The following DARS2 variants were observed in gnomAD, a reference collection of about 807,000 sequenced individuals.
The protein encoded by DARS2 is aspartyl-tRNA synthetase 2, mitochondrial.
In DARS2, 63 loss-of-function variants were observed where a neutral mutation model predicts 83.0. The ratio of observed to expected loss-of-function variants is 0.76; its 90% confidence interval spans 0.62 to 0.94. The LOEUF (loss-of-function observed/expected upper bound fraction) is 0.94. Ranked by LOEUF, DARS2 falls within the 40% of genes least tolerant of loss-of-function variation. The pLI is 0.00. For missense variants in DARS2, 675 were observed against 774.4 expected, an observed-to-expected ratio of 0.87 and a Z score of 1.52; for synonymous variants, 250 against 269.3, an observed-to-expected ratio of 0.93 and a Z score of 0.70.
intron 11 of DARS2, among the ~76,000 whole-genome samples, chr1:173,844,108 G>A (rs1653330929): frequency 6.6e-6 from 1 of 152,066 alleles, no homozygotes; most frequent in Non-Finnish European, 1.5e-5. Context: ...TCGAAAGGAG[G>A]GGGAATACAC....
At chr1:173,845,956 G>C (rs1653418863) in intron 12 of DARS2, among the ~76,000 whole-genome samples, 1 of 152,190 alleles carries the variant, frequency 6.6e-6, no homozygotes, top group Non-Finnish European at 1.5e-5. Context: ...AGGAGATTGA[G>C]ACCATCCTGG....
chr1:173,831,237 G>C (rs959593204), intron 4 of DARS2, among the ~76,000 whole-genome samples: 1 of 147,994 alleles, frequency 6.8e-6, no homozygotes, highest in African/African-American at 2.6e-5. Flanking sequence ...TTTTCAGGAC[G>C]GGTCTTGCAG....
At chr1:173,839,296 G>C in intron 9 of DARS2, 71 bp from the exon 10 acceptor site, 1 of 1,431,588 alleles carries the variant, frequency 7.0e-7, no homozygotes, top group East Asian at 2.3e-5. Context: ...ATAGTAACTT[G>C]AAAGCAGAAA....
intron 8 of DARS2, among the ~76,000 whole-genome samples, chr1:173,837,654 A>C (rs1653053307): frequency 1.3e-5 from 2 of 152,258 alleles, no homozygotes. Flanking sequence ...GCTAGTCTAA[A>C]TACATGAATA....
intron 8 of DARS2, 24 bp from the exon 9 acceptor site, chr1:173,838,166 A>G: frequency 1.9e-6 from 3 of 1,585,136 alleles, no homozygotes; most frequent in Middle Eastern, 1.7e-4. Flanking sequence ...TCATAACTCA[A>G]TTAATGCTAT....
At chr1:173,852,657 A>G (rs1482084568) in intron 13 of DARS2, among the ~76,000 whole-genome samples, 1 of 151,954 alleles carries the variant, frequency 6.6e-6, no homozygotes, top group Non-Finnish European at 1.5e-5. Flanking sequence ...AGTGCATGCC[A>G]CCACGCCCGG....
In DARS2 at chr1:173,856,706, A is replaced by C. The variant is rs886045590; in HGVS notation, c.1715A>C (p.Asp572Ala). Residue 572 changes from aspartate to alanine, a missense_variant, in exon 16 of 17, where the codon GAT (aspartate) becomes GCT (alanine). Physicochemically the swap from Asp to Ala is moderately radical, Grantham distance 126. Coordinates refer to ENST00000649689, the MANE Select transcript of DARS2 (RefSeq NM_018122.5). ...KMLSHLLQALDYGAPPHGGIA... is the reference protein window; with the variant it reads ...KMLSHLLQALAYGAPPHGGIA... ...CTCTCCCATCTGCTCCAGGCTTTAG[A>C]TTATGGGGCACCCCCTCATGGAGGA... 9 of 1,613,994 alleles carry C rather than the reference A, an allele frequency of 5.6e-6. No homozygotes were observed. The highest frequency in any genetic ancestry group is 7.6e-6 in the Non-Finnish European group (9 of 1,179,960).
intron 12 of DARS2, among the ~76,000 whole-genome samples, chr1:173,848,070 G>A (rs1034755989): frequency 2.0e-5 from 3 of 152,024 alleles, no homozygotes; most frequent in Admixed American, 6.6e-5. Flanking sequence ...AGCCAGGATG[G>A]TCTCCATCTC....
At chr1:173,849,861 C>CT (rs10558579) in intron 12 of DARS2, among the ~76,000 whole-genome samples, 16,576 of 109,872 alleles carry the variant, frequency 0.15, 1,863 homozygotes, top group East Asian at 0.3. Context: ...GTTGAAATGA[C>CT]TTTTTTTTTT....
At chr1:173,849,257 G>A (rs1653556441) in intron 12 of DARS2, among the ~76,000 whole-genome samples, 1 of 151,448 alleles carries the variant, frequency 6.6e-6, no homozygotes, top group South Asian at 2.1e-4. Flanking sequence ...GTTGGGGCCG[G>A]GTGCAGTGAC....
intron 3 of DARS2, 74 bp downstream of exon 3, chr1:173,828,473 G>A: frequency 7.6e-7 from 1 of 1,316,448 alleles, no homozygotes; most frequent in African/African-American, 1.5e-5. Flanking sequence ...GTAGTTAGAT[G>A]AATATGTTAG....
intron 13 of DARS2, 35 bp downstream of exon 13, chr1:173,850,514 G>A (rs201192915): frequency 8.7e-5 from 139 of 1,604,990 alleles, no homozygotes; most frequent in Non-Finnish European, 1.1e-4. Context: ...CAGTGCTGTT[G>A]ATGCTGAACA....
At chr1:173,853,960 G>A (rs1653772730) in intron 15 of DARS2, 55 bp downstream of exon 15, 10 of 1,456,138 alleles carry the variant, frequency 6.9e-6, no homozygotes, top group Admixed American at 1.7e-5. Context: ...ATATTTTTCA[G>A]TTTTGTGTTG....
In DARS2 at chr1:173,837,066, G is replaced by C. The variant is rs1462695114; in HGVS notation, c.770+20G>C. On this transcript the variant is annotated intron_variant, in intron 8 of 16. Transcript: ENST00000649689. ...AGACAGGTGAGCTTTTTTTATGCTA[G>C]CAGTTGTCAGAAAAGGAAAAGAGAA... The C allele has an allele frequency of 1.3e-6, 2 of 1,587,792 alleles. No homozygotes were observed.
chr1:173,839,622 A>C, intron 10 of DARS2, 76 bp downstream of exon 10: 1 of 1,349,804 alleles, frequency 7.4e-7, no homozygotes, highest in Non-Finnish European at 1.1e-6. Flanking sequence ...GAAATTGACA[A>C]GTGTTACACA....
At chr1:173,839,027 G>A (rs1258573063) in intron 9 of DARS2, among the ~76,000 whole-genome samples, 2 of 152,132 alleles carry the variant, frequency 1.3e-5, no homozygotes, top group Non-Finnish European at 2.9e-5. Context: ...GAGCCACCAC[G>A]CCTGGCCAAT....
At chr1:173,843,915 T>C (rs1222383988) in intron 11 of DARS2, among the ~76,000 whole-genome samples, 1 of 152,204 alleles carries the variant, frequency 6.6e-6, no homozygotes, top group Non-Finnish European at 1.5e-5. Flanking sequence ...GTATAGCCAG[T>C]CACAGCATGT....
rs1331884157 is a variant in DARS2 at position 173,834,745 on chromosome 1, T to TC, written c.663+226_663+227insC. ...TTGAGTTTTTTTGTTTTTTTTTTTTTTTTTTTTTTTTTGGTTTGTTTTGGG... is the reference window on the plus strand; with the variant it reads ...TTGAGTTTTTTTGTTTTTTTTTTTTTCTTTTTTTTTTTTGGTTTGTTTTGGG... On this transcript the variant is annotated intron_variant, in intron 7 of 16. Coordinates refer to ENST00000649689, the MANE Select transcript of DARS2 (RefSeq NM_018122.5). Among the ~76,000 whole-genome samples the TC allele has an allele frequency of 1.8e-4, 22 of 125,066 alleles. 1 individual carries two copies. Among genetic ancestry groups the TC allele is most frequent in the African/African-American group, 8.7e-4 (21 of 24,102 alleles). The allele number at this position is 125,066 out of a possible 152,430, so 82.0% of individuals were successfully genotyped here.
At chr1:173,850,130 G>T (rs548826844) in intron 12 of DARS2, among the ~76,000 whole-genome samples, 197 bp from the exon 13 acceptor site, 2 of 151,862 alleles carry the variant, frequency 1.3e-5, no homozygotes, top group South Asian at 4.2e-4. Flanking sequence ...GGGATTACAG[G>T]TATAAGCCAC....
Sources: allele counts gnomAD v4.1 joint callset (sites outside exome capture counted in the v4.1 genomes callset), GRCh38; gene constraint gnomAD v4.1.1; transcripts MANE v1.5; gene names NCBI Gene and HGNC (gene_info 2026-07-23, HGNC 2026-07-21).